The following AMPD3 variants were observed in gnomAD, a reference collection of about 807,000 sequenced individuals.
The protein encoded by AMPD3 is adenosine monophosphate deaminase 3, also known as AMP deaminase 3.
Under a neutral mutation model 82.3 loss-of-function variants are expected in AMPD3, and 57 were observed. The observed-to-expected ratio is 0.69, with a 90% CI of 0.56 to 0.86. The LOEUF is 0.86. Among genes scored for constraint, AMPD3 ranks in the 40% least tolerant of loss-of-function variants. The pLI, the probability that AMPD3 is intolerant of heterozygous loss-of-function variation, is 0.00. For synonymous variants in AMPD3, 381 were observed against 394.7 expected (o/e 0.97, Z 0.41); for missense variants, 870 against 1,003.8 (o/e 0.87, Z 1.80).
At position 10,495,720 on chromosome 11, in the gene AMPD3, G is replaced by A; in HGVS notation, c.1417G>A (p.Val473Met). The A allele has an allele frequency of 6.2e-7, 1 of 1,614,076 alleles. No homozygotes were observed. Among genetic ancestry groups the A allele is most frequent in the Non-Finnish European group, 8.5e-7 (1 of 1,180,018 alleles). ...TCCCAACATGCGCTGGATCATCCAG[G>A]TGCCCCGGATTTAGTAAGTGAGGTG... Reference protein sequence around the residue: ...YSPNMRWIIQVPRIYDIFRSK... With the variant: ...YSPNMRWIIQMPRIYDIFRSK... Residue 473 changes from valine (V) to methionine (M), a missense_variant, in exon 9 of 15, where the codon GTG becomes ATG. By Grantham distance (21) the Val-to-Met change is conservative (BLOSUM62 1). Transcript: ENST00000396553.
At chr11:10,463,820 T>C (rs767545095) in intron 2 of AMPD3, among the ~76,000 whole-genome samples, 5 of 152,222 alleles carry the variant, frequency 3.3e-5, no homozygotes, top group Non-Finnish European at 7.3e-5. Flanking sequence ...TATGGTGTCT[T>C]AGTTTGCATC....
intron 2 of AMPD3, among the ~76,000 whole-genome samples, chr11:10,462,594 A>T (rs1848302863): frequency 6.6e-6 from 1 of 152,180 alleles, no homozygotes; most frequent in Non-Finnish European, 1.5e-5. Flanking sequence ...CCATGGGCCA[A>T]ACCTAGCCAG....
At chr11:10,469,847 G>T (rs550447200) in intron 2 of AMPD3, among the ~76,000 whole-genome samples, 1 of 151,926 alleles carries the variant, frequency 6.6e-6, no homozygotes, top group Non-Finnish European at 1.5e-5. Flanking sequence ...AGACCATCCC[G>T]GCTAAAAACG....
At chr11:10,483,537 T>C (rs1564848122) in intron 4 of AMPD3, among the ~76,000 whole-genome samples, 1 of 152,198 alleles carries the variant, frequency 6.6e-6, no homozygotes, top group Non-Finnish European at 1.5e-5. Flanking sequence ...CTGTCAAATG[T>C]GTACTTTACA....
At chr11:10,503,405 G>A (rs187755488) in intron 13 of AMPD3, among the ~76,000 whole-genome samples, 41 of 152,258 alleles carry the variant, frequency 2.7e-4, no homozygotes, top group African/African-American at 9.6e-4. Flanking sequence ...GGGACTAGCC[G>A]CAAGTATACC....
chr11:10,455,699 T>G (rs897655046), intron 1 of AMPD3, among the ~76,000 whole-genome samples: 3 of 152,136 alleles, frequency 2.0e-5, no homozygotes, highest in Non-Finnish European at 4.4e-5. Context: ...TGTCCTTTCC[T>G]GGGAAAGGTG....
In AMPD3 at chr11:10,505,994, T is replaced by C; in HGVS notation, c.*110T>C. 6 of 1,303,692 alleles carry C rather than the reference T, an allele frequency of 4.6e-6. No individual in the cohort carries two copies. Among genetic ancestry groups the C allele is most frequent in the Non-Finnish European group, 6.6e-6 (6 of 915,578 alleles). The allele number at this position is 1,303,692 out of a possible 1,614,324, so 80.8% of individuals were successfully genotyped here. ...CTTTCCTCTGTGAAGAGGATGCCTC[T>C]GAAGAAATTTTAAACTGGTGATTTT... is the stretch of plus-strand genomic sequence containing the variant. On this transcript the variant is annotated 3_prime_UTR_variant, in exon 15 of 15. Coordinates refer to ENST00000396553, the MANE Select transcript of AMPD3 (RefSeq NM_001025389.2).
At chr11:10,498,209 T>C (rs1849474904) in intron 10 of AMPD3, among the ~76,000 whole-genome samples, 1 of 152,172 alleles carries the variant, frequency 6.6e-6, no homozygotes, top group Non-Finnish European at 1.5e-5. Context: ...AGTGTGGGGC[T>C]TGGTGAGAAG....
upstream of AMPD3, among the ~76,000 whole-genome samples, chr11:10,451,673 G>A (rs1847967377): frequency 6.6e-6 from 1 of 152,318 alleles, no homozygotes; most frequent in Non-Finnish European, 1.5e-5. Flanking sequence ...TCCCCAAACT[G>A]TATGTGGCTG....
chr11:10,484,996 G>C lies in AMPD3; in HGVS notation c.766G>C (p.Val256Leu), dbSNP rs761582303. The C allele has an allele frequency of 1.9e-6, 3 of 1,614,018 alleles. No individual in the cohort carries two copies. The East Asian group carries it at 6.7e-5, about 36-fold the overall frequency. ...CTACCCCGACCTGGAGACCTACACG[G>C]TGGACATGAGCCACATCCTGGCTCT... is the stretch of plus-strand genomic sequence containing the variant. ...LPYPDLETYTVDMSHILALIT... is the reference protein window; with the variant it reads ...LPYPDLETYTLDMSHILALIT... The change falls in exon 5 of 15, where the codon GTG (valine) becomes CTG (leucine). Residue 256 changes from valine (V) to leucine (L), a missense_variant. Transcript: ENST00000396553.
chr11:10,496,903 C>T lies in AMPD3; in HGVS notation c.1522C>T (p.Gln508Ter). The change falls in exon 10 of 15, where the codon CAA (glutamine) becomes TAA (stop). Residue 508 changes from glutamine to a stop codon, truncating the protein, a stop_gained. Transcript: ENST00000396553. LOFTEE classifies it high-confidence loss of function. Reference sequence around the variant, plus strand: ...CCTTTTCAAGGCCACTATCAACCCCCAAGATCATCGAGAGCTTCACCTCTT... The same window carrying T: ...CCTTTTCAAGGCCACTATCAACCCCTAAGATCATCGAGAGCTTCACCTCTT... The part of the protein sequence containing the change: ...LPLFKATINP[Q>*]DHRELHLFLK... 1 of 1,614,116 alleles carries T rather than the reference C, an allele frequency of 6.2e-7. No individual in the cohort carries two copies.
intron 2 of AMPD3, chr11:10,478,125 A>G (rs913815403): frequency 5.1e-6 from 5 of 985,290 alleles, no homozygotes; most frequent in Non-Finnish European, 6.0e-6. Flanking sequence ...AGTTTGTGTT[A>G]TCTGAAGCCA....
intron 3 of AMPD3, chr11:10,481,513 G>A (rs975499107): frequency 7.1e-6 from 7 of 985,262 alleles, no homozygotes; most frequent in African/African-American, 3.5e-5. Context: ...TGTGTCTCCT[G>A]TGTTGGGGGT....
chr11:10,464,763 C>A (rs760689951), intron 2 of AMPD3, among the ~76,000 whole-genome samples: 1 of 152,228 alleles, frequency 6.6e-6, no homozygotes, highest in Non-Finnish European at 1.5e-5. Context: ...ATGGAGGACA[C>A]CCTCTCCCCA....
chr11:10,488,607 G>A (rs925959049), intron 6 of AMPD3, among the ~76,000 whole-genome samples: 1 of 152,176 alleles, frequency 6.6e-6, no homozygotes, highest in South Asian at 2.1e-4. Flanking sequence ...CCTGGATCAT[G>A]CAGGGGCTGT....
At chr11:10,453,828 C>A (rs1326844817), upstream of AMPD3, among the ~76,000 whole-genome samples, 1 of 152,050 alleles carries the variant, frequency 6.6e-6, no homozygotes, top group Non-Finnish European at 1.5e-5. Context: ...ACCTTGTGAT[C>A]CACCTGCCTC....
intron 7 of AMPD3, 163 bp downstream of exon 7, chr11:10,493,706 T>G: frequency 1.2e-6 from 1 of 833,988 alleles, no homozygotes. Context: ...ATAACAGGTC[T>G]GGGGCAGCCA....
intron 2 of AMPD3, among the ~76,000 whole-genome samples, chr11:10,470,253 A>G (rs1393383651): frequency 6.6e-6 from 1 of 152,204 alleles, no homozygotes; most frequent in Non-Finnish European, 1.5e-5. Flanking sequence ...GTCCTTCAAT[A>G]TAATTCAACA....
chr11:10,454,049 G>A (rs1848026401), upstream of AMPD3, among the ~76,000 whole-genome samples: 1 of 152,182 alleles, frequency 6.6e-6, no homozygotes, highest in South Asian at 2.1e-4. Context: ...GTTCGAAAGG[G>A]AAATAAGGCT....
Sources: gnomAD v4.1 joint callset for allele counts (sites outside exome capture counted in the v4.1 genomes callset) on GRCh38, gnomAD v4.1.1 for gene constraint, MANE v1.5 for transcripts, NCBI Gene and HGNC (gene_info 2026-07-23, HGNC 2026-07-21) for gene names.